KAT8: variants seen among roughly 807,000 people sequenced by gnomAD.
KAT8 encodes the protein histone acetyltransferase KAT8.
A neutral mutation model predicts 62.9 loss-of-function variants in KAT8; 40 were observed. The observed-to-expected ratio is 0.64, with a 90% CI of 0.49 to 0.83. The LOEUF is 0.83. KAT8 is among the 40% of genes least tolerant of loss of function. The pLI is 0.00. For synonymous variants in KAT8, 278 were observed against 254.5 expected (o/e 1.09, Z -0.88); for missense variants, 387 against 614.8 (o/e 0.63, Z 3.92).
chr16:31,130,876 C>T lies in KAT8; in HGVS notation c.1288C>T (p.Gln430Ter). ...KLVEEHLKSAQYKKPPITVDS... is the reference protein window; with the variant it reads ...KLVEEHLKSA ...GGTGGAGGAGCACCTCAAAAGTGCC[C>T]AGTATAAGAAACCACCCATCACAGG... Residue 430 changes from glutamine to a stop codon, truncating the protein, a stop_gained, in exon 10 of 11, where the codon CAG becomes TAG. Transcript: ENST00000219797. LOFTEE classifies it high-confidence loss of function. The T allele has an allele frequency of 6.2e-7, 1 of 1,606,434 alleles. No individual in the cohort carries two copies.
chr16:31,130,627 C>G, intron 9 of KAT8, 21 bp downstream of exon 9: 1 of 1,613,304 alleles, frequency 6.2e-7, no homozygotes, highest in Non-Finnish European at 8.5e-7. Context: ...CTCCCGGGCC[C>G]TGGGGGCAGG....
In KAT8 at chr16:31,127,174, C is replaced by T. The variant is rs2057537945; in HGVS notation, c.517-15C>T. ...CTGAGCCGTGCACTGTGCCTCACTC[C>T]CACCCTGCCTGCAGATCACCAAGGT... On this transcript the variant is annotated splice_polypyrimidine_tract_variant and intron_variant, in intron 4 of 10. Transcript: ENST00000219797. 6.2e-7 allele frequency: 1 copy of T among 1,614,120 alleles called. No homozygotes were observed. Among genetic ancestry groups the T allele is most frequent in the African/African-American group, 1.3e-5 (1 of 74,936 alleles).
chr16:31,130,275 G>T lies in KAT8; in HGVS notation c.921G>T (p.Glu307Asp). 2 of 1,614,174 alleles carry T rather than the reference G, an allele frequency of 1.2e-6. No homozygotes were observed. Among genetic ancestry groups the T allele is most frequent in the Non-Finnish European group, 1.7e-6 (2 of 1,180,036 alleles). The change falls in exon 8 of 11, where the codon GAG becomes GAT. Residue 307 changes from glutamate to aspartate, a missense_variant. This residue lies in a region of KAT8 where 141 missense variants were observed against 222.5 expected (regional missense o/e 0.63). Transcript: ENST00000219797. ...HIVGYFSKEK[E>D]SPDGNNVACI... is the part of the protein sequence containing the mutation. ...GCACCTGCCTCCTGCAGGAGAAGGA[G>T]TCCCCGGATGGAAACAATGTGGCCT...
At chr16:31,130,182 G>A (rs763037735) in intron 7 of KAT8, 25 bp downstream of exon 7, 22 of 1,609,220 alleles carry the variant, frequency 1.4e-5, no homozygotes, top group Non-Finnish European at 1.9e-5. Flanking sequence ...AACTCGGGGT[G>A]GGGAGGGTGG....
At chr16:31,124,924 G>T (rs2057522822) in intron 3 of KAT8, among the ~76,000 whole-genome samples, 2 of 152,118 alleles carry the variant, frequency 1.3e-5, no homozygotes, top group Middle Eastern at 3.4e-3. Flanking sequence ...AGCTGCTTGG[G>T]ACACTGAGGT....
Position 31,127,305 on chromosome 16 carries a change from G to A in KAT8, c.633G>A (p.Glu211=), listed in dbSNP as rs2057539243. The A allele has an allele frequency of 4.3e-6, 7 of 1,614,268 alleles. No homozygotes were observed. The highest frequency in any genetic ancestry group is 1.1e-5 in the South Asian group (1 of 91,090). The change falls in exon 5 of 11, where the codon GAG becomes GAA. Residue 211 remains glutamate, a synonymous_variant. Coordinates refer to ENST00000219797, the MANE Select transcript of KAT8 (RefSeq NM_032188.3). The part of the protein sequence containing the change: ...YGKQPKLWLC[E]YCLKYMKYEK... ...AACAGCCCAAGCTCTGGCTCTGCGA[G>A]TACTGCCTCAAGTACATGAAATATG... is the stretch of plus-strand genomic sequence containing the variant.
chr16:31,130,602 C>T lies in KAT8; in HGVS notation c.1153C>T (p.Leu385Phe). ...DFRGTLSIKD[L>F]SQMTSITQND... ...CCGGGGCACACTGTCCATCAAGGACCTCAGGTGAGGGGGCCTCCCGGGCCC... is the reference window on the plus strand; with the variant it reads ...CCGGGGCACACTGTCCATCAAGGACTTCAGGTGAGGGGGCCTCCCGGGCCC... The change falls in exon 9 of 11, where the codon CTC (leucine) becomes TTC (phenylalanine). Residue 385 changes from leucine to phenylalanine, a missense_variant. Physicochemically the swap from Leu to Phe is conservative, Grantham distance 22. Coordinates refer to ENST00000219797, the MANE Select transcript of KAT8 (RefSeq NM_032188.3). The T allele has an allele frequency of 6.2e-7, 1 of 1,614,094 alleles. No homozygotes were observed. Among genetic ancestry groups the T allele is most frequent in the Non-Finnish European group, 8.5e-7 (1 of 1,179,972 alleles).
At chr16:31,124,937 G>A (rs1319677656) in intron 3 of KAT8, among the ~76,000 whole-genome samples, 2 of 151,988 alleles carry the variant, frequency 1.3e-5, no homozygotes, top group Non-Finnish European at 2.9e-5. Flanking sequence ...ACTGAGGTGG[G>A]AAGATCGCTT....
chr16:31,130,436 C>A lies in KAT8; in HGVS notation c.1007-20C>A. 1 of 1,614,124 alleles carries A rather than the reference C, an allele frequency of 6.2e-7. No individual in the cohort carries two copies. Among genetic ancestry groups the A allele is most frequent in the Non-Finnish European group, 8.5e-7 (1 of 1,179,962 alleles). On this transcript the variant is annotated intron_variant, in intron 8 of 10. Coordinates refer to ENST00000219797, the MANE Select transcript of KAT8 (RefSeq NM_032188.3). ...GCCAGGGCAGGCTGGATCCTAAGTT[C>A]CTCTTTCTACTGCTGCCAGGTTATG...
In KAT8 at chr16:31,130,454, A is replaced by G; in HGVS notation, c.1007-2A>G. 1.2e-6 allele frequency: 2 copies of G among 1,614,096 alleles called. No homozygotes were observed. Among genetic ancestry groups the G allele is most frequent in the Non-Finnish European group, 1.7e-6 (2 of 1,179,966 alleles). On this transcript the variant is annotated splice_acceptor_variant, in intron 8 of 10. Coordinates refer to ENST00000219797, the MANE Select transcript of KAT8 (RefSeq NM_032188.3). LOFTEE classifies it high-confidence loss of function. The stretch of plus-strand genomic sequence containing the variant: ...CTAAGTTCCTCTTTCTACTGCTGCC[A>G]GGTTATGAGCTCTCCAAGCTGGAGA...
intron 8 of KAT8, 34 bp from the exon 9 acceptor site, chr16:31,130,422 C>T (rs776349854): frequency 6.2e-7 from 1 of 1,614,106 alleles, no homozygotes; most frequent in Non-Finnish European, 8.5e-7. Context: ...CCAGGGCAGG[C>T]TGGATCCTAA....
In KAT8 at chr16:31,127,087, C is replaced by CGGTAAGTGGGGCT; in HGVS notation, c.516+2_516+14dup. The CGGTAAGTGGGGCT allele has an allele frequency of 6.2e-7, 1 of 1,614,138 alleles. No individual in the cohort carries two copies. Among genetic ancestry groups the CGGTAAGTGGGGCT allele is most frequent in the Non-Finnish European group, 8.5e-7 (1 of 1,180,016 alleles). On this transcript the variant is annotated frameshift_variant and splice_region_variant, in exon 4 of 11. Transcript: ENST00000219797. LOFTEE classifies it high-confidence loss of function. ...GCAGCCTTGGAGAAGGAGCATGAGG[C>CGGTAAGTGGGGCT]GGTAAGTGGGGCTGGGAAGCTGCCT...
At chr16:31,121,190 G>A (rs2057490746) in intron 3 of KAT8, 1 of 150,362 alleles carries the variant, frequency 6.7e-6, no homozygotes. Flanking sequence ...GAATGATCTC[G>A]GCTCACTGTA....
At chr16:31,122,821 T>A (rs936491452) in intron 3 of KAT8, among the ~76,000 whole-genome samples, 3 of 149,966 alleles carry the variant, frequency 2.0e-5, no homozygotes, top group African/African-American at 4.9e-5. Context: ...GTGGAGCTTG[T>A]AGTGAGCCGA....
Position 31,126,932 on chromosome 16 carries a change from A to G in KAT8, c.463-103A>G. 2.4e-6 allele frequency: 3 copies of G among 1,235,322 alleles called. 1 individual carries two copies. In the South Asian group the frequency reaches 3.7e-5, roughly 15 times the overall value. The allele number at this position is 1,235,322 out of a possible 1,614,324, so 76.5% of individuals were successfully genotyped here. A position where few individuals can be genotyped will look rare whatever the true frequency, so the allele number is the denominator to read the frequency against. ...GTGTGGTTATTATTGCCATCCAGGA[A>G]TGAGGTCTGGTAGACGGCAGGGAAG... On this transcript the variant is annotated intron_variant, in intron 3 of 10. Transcript: ENST00000219797.
intron 1 of KAT8, chr16:31,118,868 T>C (rs929590196): frequency 1.3e-5 from 2 of 151,642 alleles, no homozygotes; most frequent in African/African-American, 4.8e-5. Context: ...TTGGTACTAT[T>C]ATCCCTTTTG....
At chr16:31,129,995 T>C (rs1214474407) in intron 6 of KAT8, 22 bp from the exon 7 acceptor site, 4 of 1,613,558 alleles carry the variant, frequency 2.5e-6, no homozygotes, top group Non-Finnish European at 3.4e-6. Context: ...CCTGAGCCTG[T>C]CTCCCCCCTC....
intron 6 of KAT8, among the ~76,000 whole-genome samples, chr16:31,128,950 C>T (rs1026658133): frequency 6.6e-6 from 1 of 152,204 alleles, no homozygotes; most frequent in Non-Finnish European, 1.5e-5. Flanking sequence ...GCCAAGTGTA[C>T]TGGTTTCCCG....
Position 31,127,025 on chromosome 16 carries a change from C to G in KAT8, c.463-10C>G. ...TGTTCACCTCTGCCCACTTTTCTTT[C>G]CTGGCCCAGACTTATGCAGAGATGG... On this transcript the variant is annotated splice_polypyrimidine_tract_variant and intron_variant, in intron 3 of 10. Transcript: ENST00000219797. 1 of 1,614,200 alleles carries G rather than the reference C, an allele frequency of 6.2e-7. No individual in the cohort carries two copies. The highest frequency in any genetic ancestry group is 8.5e-7 in the Non-Finnish European group (1 of 1,180,022).
Sources: gnomAD v4.1 joint callset for allele counts (sites outside exome capture counted in the v4.1 genomes callset) on GRCh38, gnomAD v4.1.1 for gene constraint, gnomAD v4.1.1 regional missense constraint, MANE v1.5 for transcripts, NCBI Gene and HGNC (gene_info 2026-07-23, HGNC 2026-07-21) for gene names.